ZNF804A: variants seen among roughly 807,000 people sequenced by gnomAD.
ZNF804A encodes zinc finger protein 804A.
ZNF804A carries 2 observed loss-of-function variants against 16.5 expected under a neutral mutation model. That is an observed-to-expected ratio of 0.12 (90% CI 0.05 to 0.38). The LOEUF is 0.38. Among genes scored for constraint, ZNF804A ranks in the 10% least tolerant of loss-of-function variants. The pLI is 0.99. For missense variants in ZNF804A, 1,473 were observed against 1,390.7 expected (o/e 1.06, Z -0.94); for synonymous variants, 534 against 489.6 (o/e 1.09, Z -1.20).
intron 1 of ZNF804A, among the ~76,000 whole-genome samples, chr2:184,625,528 A>G (rs1691481187): frequency 2.0e-5 from 3 of 152,154 alleles, no homozygotes; most frequent in Admixed American, 2.0e-4. Flanking sequence ...TAAAATTGCT[A>G]TTTATAATGA....
chr2:184,924,643 C>A (rs1452497746), intron 2 of ZNF804A, among the ~76,000 whole-genome samples: 1 of 150,362 alleles, frequency 6.7e-6, no homozygotes. Context: ...AAGATGAATT[C>A]TTAGGTTATT....
At chr2:184,634,984 T>A (rs1052285850) in intron 1 of ZNF804A, among the ~76,000 whole-genome samples, 1 of 152,174 alleles carries the variant, frequency 6.6e-6, no homozygotes, top group African/African-American at 2.4e-5. Flanking sequence ...AAAAGCTGTA[T>A]AAACACATGA....
chr2:184,833,158 G>T (rs1041150115), intron 1 of ZNF804A, among the ~76,000 whole-genome samples: 3 of 151,868 alleles, frequency 2.0e-5, no homozygotes, highest in African/African-American at 7.3e-5. Flanking sequence ...CTCAGCAATG[G>T]GATTAAGTAT....
At chr2:184,803,376 C>T (rs1318828865) in intron 1 of ZNF804A, among the ~76,000 whole-genome samples, 2 of 152,070 alleles carry the variant, frequency 1.3e-5, no homozygotes, top group Non-Finnish European at 2.9e-5. Flanking sequence ...ATACCCCTTG[C>T]CTTCCTTTAT....
intron 2 of ZNF804A, among the ~76,000 whole-genome samples, chr2:184,921,148 C>T (rs898660812): frequency 2.0e-5 from 3 of 152,092 alleles, no homozygotes; most frequent in African/African-American, 7.2e-5. Context: ...TGTAACTATA[C>T]TTGATTTCTA....
At position 184,938,723 on chromosome 2, in the gene ZNF804A, TGCTGCA is replaced by T. The variant is rs751389469; in HGVS notation, c.3342_3347del (p.Ala1118_Ala1119del). The T allele has an allele frequency of 1.9e-6, 3 of 1,607,840 alleles. No individual in the cohort carries two copies. The highest frequency in any genetic ancestry group is 2.2e-5 in the South Asian group (2 of 90,930). On this transcript the variant is annotated inframe_deletion, in exon 4 of 4. Coordinates refer to ENST00000302277, the MANE Select transcript of ZNF804A (RefSeq NM_194250.2). ...CTGTTTTGCAGCAGCACGCTGCAGCTGCTGCAGCTGCAGCTGCAGCCGCAGCTGCAG... is the reference window on the plus strand; with the variant it reads ...CTGTTTTGCAGCAGCACGCTGCAGCTGCTGCAGCTGCAGCCGCAGCTGCAG...
At chr2:184,864,834 G>A (rs927385940) in intron 1 of ZNF804A, among the ~76,000 whole-genome samples, 9 of 142,252 alleles carry the variant, frequency 6.3e-5, no homozygotes, top group Non-Finnish European at 1.4e-4. Context: ...CTAAAAGTGT[G>A]TTTTATAATA....
chr2:184,647,606 A>T (rs111781869), intron 1 of ZNF804A, among the ~76,000 whole-genome samples: 49 of 152,342 alleles, frequency 3.2e-4, no homozygotes, highest in African/African-American at 1.2e-3. Context: ...AAATATAAAG[A>T]TTTATCAACA....
intron 1 of ZNF804A, among the ~76,000 whole-genome samples, chr2:184,769,106 C>T (rs1694173253): frequency 1.3e-5 from 2 of 152,004 alleles, no homozygotes; most frequent in African/African-American, 4.8e-5. Context: ...ATATTGTCTT[C>T]GATCACATTG....
At chr2:184,684,993 G>A (rs548088938) in intron 1 of ZNF804A, among the ~76,000 whole-genome samples, 4 of 152,046 alleles carry the variant, frequency 2.6e-5, no homozygotes, top group Admixed American at 1.3e-4. Context: ...GGCTTGTTCC[G>A]CCCATTCAGC....
At chr2:184,625,010 A>C (rs990722554) in intron 1 of ZNF804A, among the ~76,000 whole-genome samples, 1 of 152,150 alleles carries the variant, frequency 6.6e-6, no homozygotes, top group African/African-American at 2.4e-5. Flanking sequence ...CTGATCATTA[A>C]AATAAGCAGG....
At chr2:184,600,950 A>G (rs1181827866) in intron 1 of ZNF804A, among the ~76,000 whole-genome samples, 1 of 152,216 alleles carries the variant, frequency 6.6e-6, no homozygotes, top group Non-Finnish European at 1.5e-5. Flanking sequence ...AAACCTAAAT[A>G]TAGACAAACA....
chr2:184,779,430 CA>C (rs1418509358), intron 1 of ZNF804A, among the ~76,000 whole-genome samples: 3 of 151,720 alleles, frequency 2.0e-5, no homozygotes, highest in African/African-American at 7.3e-5. Context: ...CTATGATGCA[CA>C]AATCTTAATC....
At chr2:184,698,049 G>A (rs371901787) in intron 1 of ZNF804A, among the ~76,000 whole-genome samples, 7 of 151,920 alleles carry the variant, frequency 4.6e-5, no homozygotes, top group African/African-American at 1.4e-4. Flanking sequence ...GGAGGTAAAA[G>A]GTTCAGATTT....
chr2:184,612,066 T>G (rs1179519374), intron 1 of ZNF804A, among the ~76,000 whole-genome samples: 1 of 152,194 alleles, frequency 6.6e-6, no homozygotes, highest in Non-Finnish European at 1.5e-5. Context: ...TTTGCTTTAA[T>G]GTCATAGCTA....
At chr2:184,932,235 C>G (rs1004976218) in intron 2 of ZNF804A, among the ~76,000 whole-genome samples, 1 of 152,170 alleles carries the variant, frequency 6.6e-6, no homozygotes, top group Non-Finnish European at 1.5e-5. Context: ...GGTATCTTTA[C>G]AGCAGCACCC....
chr2:184,661,568 GACTGGTCCAGCAGTAGGCTTGGA>G (rs1399426684), intron 1 of ZNF804A, among the ~76,000 whole-genome samples: 1 of 152,184 alleles, frequency 6.6e-6, no homozygotes, highest in Non-Finnish European at 1.5e-5. Flanking sequence ...TTAGAATGCT[GACTGGTCCAGCAGTAGGCTTGGA>G]AAAAGCACCA....
chr2:184,709,336 T>C (rs73978072), intron 1 of ZNF804A, among the ~76,000 whole-genome samples: 1 of 152,034 alleles, frequency 6.6e-6, no homozygotes, highest in Admixed American at 6.6e-5. Flanking sequence ...GAATCAGATA[T>C]GAAGTAATAT....
intron 1 of ZNF804A, among the ~76,000 whole-genome samples, chr2:184,849,791 A>G (rs1295112635): frequency 1.3e-5 from 2 of 152,084 alleles, no homozygotes; most frequent in Non-Finnish European, 2.9e-5. Context: ...CACTATTCAC[A>G]ATAGCAAAGG....
Sources: allele counts gnomAD v4.1 joint callset (sites outside exome capture counted in the v4.1 genomes callset), GRCh38; gene constraint gnomAD v4.1.1; transcripts MANE v1.5; gene names NCBI Gene and HGNC (gene_info 2026-07-23, HGNC 2026-07-21).